PLGRKT: variants seen among roughly 807,000 people sequenced by gnomAD.
The protein encoded by PLGRKT is plasminogen receptor (KT).
In PLGRKT, 22 loss-of-function variants were observed where a neutral mutation model predicts 18.5. The ratio of observed to expected loss-of-function variants is 1.19; its 90% CI spans 0.85 to 1.70. The LOEUF is 1.70. Among genes scored for constraint, PLGRKT ranks in the 40% most tolerant of loss-of-function variants. The pLI is 0.00. For synonymous variants in PLGRKT, 72 were observed against 52.8 expected, an observed-to-expected ratio of 1.36 and a Z score of -1.58; for missense variants, 235 against 174.4, an observed-to-expected ratio of 1.35 and a Z score of -1.96.
intron 3 of PLGRKT, among the ~76,000 whole-genome samples, chr9:5,412,406 C>T (rs975647852): frequency 9.2e-5 from 14 of 152,196 alleles, no homozygotes; most frequent in African/African-American, 2.9e-4. Flanking sequence ...ATCCTTTATC[C>T]TCATGAATGA....
In PLGRKT at chr9:5,361,173, T is replaced by C. The variant is rs750971226; in HGVS notation, c.227A>G (p.Lys76Arg). 1 of 1,576,116 alleles carries C rather than the reference T, an allele frequency of 6.3e-7. No individual in the cohort carries two copies. The highest frequency in any genetic ancestry group is 2.3e-5 in the East Asian group (1 of 44,360). Reference protein sequence around the residue: ...ISLTAGAIKKKKPAFLVPIVP... With the variant: ...ISLTAGAIKKRKPAFLVPIVP... The stretch of plus-strand genomic sequence containing the variant: ...AATCGGGACCAGGAAGGCTGGCTTC[T>C]TTTTTTTAATCGCTCTGTTTCAAGA... Residue 76 changes from lysine (K) to arginine (R), a missense_variant, in exon 5 of 6, where the codon AAG (lysine) becomes AGG (arginine). Coordinates refer to ENST00000223864, the MANE Select transcript of PLGRKT (RefSeq NM_018465.4).
chr9:5,394,605 G>C (rs537077516), intron 3 of PLGRKT, among the ~76,000 whole-genome samples: 3 of 151,844 alleles, frequency 2.0e-5, no homozygotes, highest in African/African-American at 7.3e-5. Flanking sequence ...TAGAGGCAGA[G>C]TCTCACCATG....
At chr9:5,367,020 T>TATACAC (rs1817403985) in intron 3 of PLGRKT, among the ~76,000 whole-genome samples, 1 of 58,162 alleles carries the variant, frequency 1.7e-5, no homozygotes, top group African/African-American at 5.9e-5. Flanking sequence ...GACAGACAGA[T>TATACAC]ACACACACAT....
chr9:5,423,209 C>A (rs1336746503), intron 3 of PLGRKT, among the ~76,000 whole-genome samples: 3 of 152,168 alleles, frequency 2.0e-5, no homozygotes, highest in Non-Finnish European at 4.4e-5. Flanking sequence ...CTACCCTGTT[C>A]AAGAGCCTGA....
At position 5,389,516 on chromosome 9, in the gene PLGRKT, G is replaced by A. The variant is rs568188447; in HGVS notation, c.82-27628C>T. Among the ~76,000 whole-genome samples the A allele has an allele frequency of 1.4e-4, 22 of 151,900 alleles. 1 individual carries two copies. Among genetic ancestry groups the A allele is most frequent in the African/African-American group, 4.6e-4 (19 of 41,232 alleles). Reference sequence around the variant, plus strand: ...TTGAGGGGATCATTAAAATACTTTGGAAAGACTTTCCATTTCCTCCAGTAC... The same window carrying A: ...TTGAGGGGATCATTAAAATACTTTGAAAAGACTTTCCATTTCCTCCAGTAC... On this transcript the variant is annotated intron_variant, in intron 3 of 5. Transcript: ENST00000223864.
chr9:5,434,865 T>C (rs1295614165), intron 2 of PLGRKT, among the ~76,000 whole-genome samples: 1 of 151,782 alleles, frequency 6.6e-6, no homozygotes, highest in Non-Finnish European at 1.5e-5. Flanking sequence ...ATGGCGGTTT[T>C]GTCGAAAAGA....
chr9:5,432,938 C>A (rs1288807385), intron 2 of PLGRKT, among the ~76,000 whole-genome samples: 4 of 151,984 alleles, frequency 2.6e-5, no homozygotes, highest in Non-Finnish European at 5.9e-5. Flanking sequence ...AAGTGAGCAG[C>A]GTCTCTGCCT....
chr9:5,377,357 T>C (rs898094149), intron 3 of PLGRKT, among the ~76,000 whole-genome samples: 13 of 152,056 alleles, frequency 8.5e-5, no homozygotes, highest in African/African-American at 2.9e-4. Context: ...ATGTATTATA[T>C]AATCTTTTAT....
chr9:5,399,811 T>G (rs1402953823), intron 3 of PLGRKT, among the ~76,000 whole-genome samples: 1 of 151,426 alleles, frequency 6.6e-6, no homozygotes, highest in Non-Finnish European at 1.5e-5. Flanking sequence ...CCAACATGGC[T>G]AAACTACGTC....
chr9:5,363,142 G>A (rs1817304940), intron 3 of PLGRKT, among the ~76,000 whole-genome samples: 2 of 151,880 alleles, frequency 1.3e-5, no homozygotes, highest in South Asian at 4.2e-4. Flanking sequence ...GACACTTGGG[G>A]AGTGAACATA....
intron 3 of PLGRKT, among the ~76,000 whole-genome samples, chr9:5,383,628 T>G (rs538525312): frequency 5.9e-5 from 9 of 152,100 alleles, no homozygotes; most frequent in Non-Finnish European, 1.2e-4. Context: ...CTAGGGGTGA[T>G]GGGAGATAGT....
chr9:5,411,549 T>C (rs750989029), intron 3 of PLGRKT, among the ~76,000 whole-genome samples: 4 of 152,038 alleles, frequency 2.6e-5, no homozygotes, highest in African/African-American at 9.7e-5. Context: ...CAGTAAGTGA[T>C]AGAGTCAGGT....
Position 5,424,634 on chromosome 9 carries a change from T to C in PLGRKT, c.81+7263A>G, listed in dbSNP as rs999618374. Among the ~76,000 whole-genome samples, 2 of 115,778 alleles carry C rather than the reference T, an allele frequency of 1.7e-5. 1 individual carries two copies. The highest frequency in any genetic ancestry group is 7.4e-5 in the African/African-American group (2 of 27,030). 76.0% of individuals were successfully genotyped at this position (115,778 alleles called of 152,430 possible). ...TATTTATTATATTATATTATATTAA[T>C]ATATTTACATTATATATAATATAAT... On this transcript the variant is annotated intron_variant, in intron 3 of 5. Coordinates refer to ENST00000223864, the MANE Select transcript of PLGRKT (RefSeq NM_018465.4).
At position 5,431,904 on chromosome 9, in the gene PLGRKT, C is replaced by CAAA. The variant is rs779995729; in HGVS notation, c.73_74insTTT (p.Arg25delinsLeuTer). On this transcript the variant is annotated stop_gained and protein_altering_variant, in exon 3 of 6. Transcript: ENST00000223864. LOFTEE classifies it high-confidence loss of function. ...AATTATTTTAAAACATACCTGAAGTCGAGCATTCATAAGCATGAACTCCTT... is the reference window on the plus strand; with the variant it reads ...AATTATTTTAAAACATACCTGAAGTCAAAGAGCATTCATAAGCATGAACTCCTT... The CAAA allele has an allele frequency of 6.8e-7, 1 of 1,470,678 alleles. No homozygotes were observed. The highest frequency in any genetic ancestry group is 1.4e-5 in the African/African-American group (1 of 72,164). 91.1% of individuals were successfully genotyped at this position (1,470,678 alleles called of 1,614,324 possible).
At chr9:5,382,511 G>A (rs1817766615) in intron 3 of PLGRKT, among the ~76,000 whole-genome samples, 1 of 152,202 alleles carries the variant, frequency 6.6e-6, no homozygotes, top group East Asian at 1.9e-4. Flanking sequence ...TGAGCATGGT[G>A]AATTTGAGGA....
intron 3 of PLGRKT, among the ~76,000 whole-genome samples, chr9:5,381,063 T>C (rs1817735227): frequency 6.6e-6 from 1 of 152,232 alleles, no homozygotes; most frequent in South Asian, 2.1e-4. Flanking sequence ...GATTGTAAGT[T>C]TCCTGAGGCC....
chr9:5,368,492 A>C (rs1817444671), intron 3 of PLGRKT, among the ~76,000 whole-genome samples: 1 of 152,212 alleles, frequency 6.6e-6, no homozygotes, highest in Non-Finnish European at 1.5e-5. Flanking sequence ...CAGGAAGCCA[A>C]ATAACTCATG....
At chr9:5,414,811 C>A (rs1042517832) in intron 3 of PLGRKT, among the ~76,000 whole-genome samples, 1 of 151,608 alleles carries the variant, frequency 6.6e-6, no homozygotes, top group Non-Finnish European at 1.5e-5. Flanking sequence ...TGTCCCAGTA[C>A]CTGAGGAAAA....
intron 3 of PLGRKT, among the ~76,000 whole-genome samples, chr9:5,416,285 C>G (rs1183692216): frequency 6.6e-6 from 1 of 151,988 alleles, no homozygotes; most frequent in Non-Finnish European, 1.5e-5. Context: ...TCCTGCTGCC[C>G]TAAATTCTTC....
Sources: allele counts gnomAD v4.1 joint callset (sites outside exome capture counted in the v4.1 genomes callset), GRCh38; gene constraint gnomAD v4.1.1; transcripts MANE v1.5; gene names NCBI Gene and HGNC (gene_info 2026-07-23, HGNC 2026-07-21).